The following WDR70 variants were observed in gnomAD, a reference collection of about 807,000 sequenced individuals.
WDR70 encodes the protein WD repeat domain 70.
A neutral mutation model predicts 88.6 loss-of-function variants in WDR70; 53 were observed. The observed-to-expected ratio is 0.60, with a 90% CI of 0.48 to 0.75. WDR70 has a LOEUF of 0.75. Ranked by LOEUF, WDR70 falls within the 30% of genes least tolerant of loss-of-function variation. The pLI is 0.00. For synonymous variants in WDR70, 280 were observed against 270.0 expected, an observed-to-expected ratio of 1.04 and a Z score of -0.36; for missense variants, 610 against 823.2, an observed-to-expected ratio of 0.74 and a Z score of 3.17.
intron 7 of WDR70, among the ~76,000 whole-genome samples, chr5:37,466,093 C>T (rs576342922): frequency 9.9e-5 from 15 of 152,022 alleles, no homozygotes; most frequent in Non-Finnish European, 1.8e-4. Context: ...TGGTGAATAA[C>T]GAATTTTTAC....
intron 10 of WDR70, among the ~76,000 whole-genome samples, chr5:37,682,491 C>T (rs1470294663): frequency 2.7e-5 from 4 of 147,190 alleles, no homozygotes; most frequent in South Asian, 2.2e-4. Flanking sequence ...GCTTTTGCTT[C>T]TCTAGTTCTT....
chr5:37,716,406 C>T (rs967060643), intron 13 of WDR70, among the ~76,000 whole-genome samples: 1 of 152,108 alleles, frequency 6.6e-6, no homozygotes, highest in African/African-American at 2.4e-5. Context: ...CTTTTTAATA[C>T]AAACTTGCTA....
At chr5:37,743,121 A>C (rs910100547) in intron 17 of WDR70, among the ~76,000 whole-genome samples, 2 of 152,242 alleles carry the variant, frequency 1.3e-5, no homozygotes, top group Non-Finnish European at 2.9e-5. Context: ...TTCTCTCATC[A>C]AAATTGACTA....
intron 9 of WDR70, among the ~76,000 whole-genome samples, chr5:37,593,931 G>A (rs1383204855): frequency 6.6e-6 from 1 of 152,140 alleles, no homozygotes; most frequent in Non-Finnish European, 1.5e-5. Flanking sequence ...TGTGTCTGAT[G>A]GCTGCATAAA....
intron 10 of WDR70, among the ~76,000 whole-genome samples, chr5:37,664,117 G>A (rs1440355714): frequency 2.0e-5 from 3 of 152,072 alleles, no homozygotes; most frequent in African/African-American, 7.2e-5. Context: ...CACAGCTCAA[G>A]CCCTCACCTA....
intron 10 of WDR70, among the ~76,000 whole-genome samples, chr5:37,611,773 A>T: frequency 7.5e-6 from 1 of 132,570 alleles, no homozygotes. Context: ...GATTATTTTG[A>T]TTTCAGCCTT....
rs998029884 is a variant in WDR70, at chr5:37,383,736, C to T, written c.175+2051C>T. On this transcript the variant is annotated intron_variant, in intron 3 of 17. Coordinates refer to ENST00000265107, the MANE Select transcript of WDR70 (RefSeq NM_018034.4). ...CTGGGACTACAGGTGCCTGCCAACA[C>T]GCCTGGCTAATTTTGTTTTTGTGTT... Among the ~76,000 whole-genome samples the T allele has an allele frequency of 5.3e-5, 8 of 152,044 alleles. No individual in the cohort carries two copies. In the South Asian group the frequency reaches 8.3e-4, roughly 16 times the overall value.
intron 7 of WDR70, among the ~76,000 whole-genome samples, chr5:37,473,532 CA>C (rs1214206861): frequency 6.6e-6 from 1 of 151,962 alleles, no homozygotes; most frequent in Non-Finnish European, 1.5e-5. Flanking sequence ...TTAGTAGAAA[CA>C]GGGTTTCACC....
intron 9 of WDR70, among the ~76,000 whole-genome samples, chr5:37,603,514 A>C (rs992602581): frequency 1.3e-5 from 2 of 152,340 alleles, no homozygotes; most frequent in African/African-American, 4.8e-5. Context: ...GACTAGAAGA[A>C]AACAGGAAAA....
intron 5 of WDR70, among the ~76,000 whole-genome samples, chr5:37,400,244 G>A (rs1022148539): frequency 1.3e-5 from 2 of 151,974 alleles, no homozygotes; most frequent in Non-Finnish European, 2.9e-5. Flanking sequence ...AGAATACAGT[G>A]TTTATTAAAA....
chr5:37,634,416 G>C (rs996271390), intron 10 of WDR70, among the ~76,000 whole-genome samples: 1 of 151,890 alleles, frequency 6.6e-6, no homozygotes, highest in African/African-American at 2.4e-5. Flanking sequence ...TACAAAAACA[G>C]TGGATAGATT....
chr5:37,643,500 G>GT lies in WDR70; in HGVS notation c.1092+38273dup, dbSNP rs574325660. ...GTGGTTCCATATAAATTTTAGTATA[G>GT]TTTTTTTTTTTCTATTTCTGTGAAG... On this transcript the variant is annotated intron_variant, in intron 10 of 17. Transcript: ENST00000265107. Among the ~76,000 whole-genome samples, 110 of 146,364 alleles carry GT rather than the reference G, an allele frequency of 7.5e-4. 1 individual carries two copies. The highest frequency in any genetic ancestry group is 3.9e-3 in the South Asian group (18 of 4,616).
chr5:37,404,512 G>A (rs1175959492), intron 5 of WDR70, among the ~76,000 whole-genome samples: 23 of 152,108 alleles, frequency 1.5e-4, no homozygotes. Flanking sequence ...TGTCTCTGAA[G>A]CATTAGTGTT....
chr5:37,589,241 T>TACACACAC (rs1335309168), intron 9 of WDR70, among the ~76,000 whole-genome samples: 19 of 70,590 alleles, frequency 2.7e-4, no homozygotes, highest in South Asian at 4.9e-4. Flanking sequence ...CATATATACC[T>TACACACAC]ACACACATAC....
intron 5 of WDR70, among the ~76,000 whole-genome samples, chr5:37,410,472 T>C (rs13165813): frequency 0.18 from 26,704 of 151,942 alleles, 2,836 homozygotes; most frequent in East Asian, 0.38. Flanking sequence ...AAGCAACCTC[T>C]CCAGATGCTA....
At chr5:37,557,130 A>T (rs1487430465) in intron 9 of WDR70, among the ~76,000 whole-genome samples, 4 of 152,066 alleles carry the variant, frequency 2.6e-5, no homozygotes, top group Non-Finnish European at 5.9e-5. Flanking sequence ...ATCTGGTGGT[A>T]CTTGAATATG....
chr5:37,610,252 C>T (rs1042320575), intron 10 of WDR70, among the ~76,000 whole-genome samples: 33 of 116,040 alleles, frequency 2.8e-4, no homozygotes, highest in African/African-American at 1.1e-3. Context: ...GGCGACAGAG[C>T]AAGACTCCGT....
At chr5:37,608,539 A>G (rs1352147654) in intron 10 of WDR70, among the ~76,000 whole-genome samples, 1 of 150,340 alleles carries the variant, frequency 6.7e-6, no homozygotes, top group Non-Finnish European at 1.5e-5. Flanking sequence ...GCTGTACTGT[A>G]TGTTTCACTA....
chr5:37,641,814 T>C (rs1745110663), intron 10 of WDR70, among the ~76,000 whole-genome samples: 1 of 152,218 alleles, frequency 6.6e-6, no homozygotes, highest in South Asian at 2.1e-4. Flanking sequence ...ATTTCTCTGC[T>C]ATAGGTACTG....
Sources: allele counts gnomAD v4.1 joint callset (sites outside exome capture counted in the v4.1 genomes callset), GRCh38; gene constraint gnomAD v4.1.1; transcripts MANE v1.5; gene names NCBI Gene and HGNC (gene_info 2026-07-23, HGNC 2026-07-21).